MYH9: variants seen among roughly 807,000 people sequenced by gnomAD.
MYH9 encodes the protein myosin-9.
Under a neutral mutation model 241.9 loss-of-function variants are expected in MYH9, and 29 were observed. The observed-to-expected ratio is 0.12, with a 90% CI of 0.09 to 0.16. The LOEUF (loss-of-function observed/expected upper bound fraction) is 0.16. MYH9 is among the 10% of genes least tolerant of loss of function. The probability of loss-of-function intolerance (pLI) is 1.00; values close to 1 mark genes in which losing one functional copy is unlikely to be tolerated. For missense variants in MYH9, 1,803 were observed against 2,595.5 expected (o/e 0.69, Z 6.63); for synonymous variants, 1,047 against 1,062.6 (o/e 0.99, Z 0.29).
In MYH9 at chr22:36,305,224, C is replaced by T. The variant is rs1226910604; in HGVS notation, c.2160-122G>A. ...ACAGACACAGAATTCTTTACACAAA[C>T]TCTCCTAAGGAAAGAAGACACAGGC... is the stretch of plus-strand genomic sequence containing the variant. On this transcript the variant is annotated intron_variant, in intron 17 of 40. Transcript: ENST00000216181. This position sits in a 1 kb window ranked among gnomAD's most constrained non-coding sequence, Gnocchi z 4.7. 2 of 894,002 alleles carry T rather than the reference C, an allele frequency of 2.2e-6. No individual in the cohort carries two copies. Among genetic ancestry groups the T allele is most frequent in the East Asian group, 2.6e-5 (1 of 37,854 alleles). The allele number at this position is 894,002 out of a possible 1,614,324, so 55.4% of individuals were successfully genotyped here.
In MYH9 at chr22:36,303,779, C is replaced by T. The variant is rs568246601; in HGVS notation, c.2390+216G>A. 2.8e-3 allele frequency among the ~76,000 whole-genome samples: 378 copies of T among 136,452 alleles called. 3 individuals are homozygous for T. Among genetic ancestry groups the T allele is most frequent in the African/African-American group, 0.01 (366 of 36,214 alleles). The allele number at this position is 136,452 out of a possible 152,430, so 89.5% of individuals were successfully genotyped here. A position where few individuals can be genotyped will look rare whatever the true frequency, so the allele number is the denominator to read the frequency against. ...CAGCCTGGGCGACAGAGTGAGACTC[C>T]GTCTCAAAAAAAAAAAAAAAAAAAG... is the stretch of plus-strand genomic sequence containing the variant. On this transcript the variant is annotated intron_variant, in intron 19 of 40. Transcript: ENST00000216181.
intron 21 of MYH9, 57 bp from the exon 22 acceptor site, chr22:36,301,114 C>A: frequency 1.3e-6 from 2 of 1,542,248 alleles, no homozygotes; most frequent in Non-Finnish European, 1.8e-6. Context: ...GCCACTCCAT[C>A]CTCAAGGACG....
intron 12 of MYH9, among the ~76,000 whole-genome samples, chr22:36,316,010 C>T (rs2017144395): frequency 6.6e-6 from 1 of 150,962 alleles, no homozygotes; most frequent in Non-Finnish European, 1.5e-5. Flanking sequence ...TGTACTCCAG[C>T]CTGAGTGACA....
In MYH9 at chr22:36,289,189, G is replaced by C; in HGVS notation, c.4453C>G (p.Leu1485Val). 1 of 1,613,604 alleles carries C rather than the reference G, an allele frequency of 6.2e-7. No homozygotes were observed. ...GCCTTCTGCTCCATGGCTTCCTCCA[G>C]GGCCCGGGCCAGCGACAGAGCCTTG... ...ETKALSLARA[L>V]EEAMEQKAEL... Residue 1485 changes from leucine (L) to valine (V), a missense_variant, in exon 32 of 41, where the codon CTG (leucine) becomes GTG (valine). Coordinates refer to ENST00000216181, the MANE Select transcript of MYH9 (RefSeq NM_002473.6).
intron 38 of MYH9, among the ~76,000 whole-genome samples, 191 bp downstream of exon 38, chr22:36,284,930 C>A (rs2016554048): frequency 1.3e-5 from 2 of 152,180 alleles, no homozygotes; most frequent in African/African-American, 4.8e-5. Flanking sequence ...AACAGAGAAT[C>A]CTGTTCAAAC....
At chr22:36,290,284 G>C (rs915746816) in intron 31 of MYH9, among the ~76,000 whole-genome samples, 5 of 142,940 alleles carry the variant, frequency 3.5e-5, no homozygotes, top group Non-Finnish European at 7.5e-5. Context: ...AGGATCACTT[G>C]AGCTGTGGTT....
chr22:36,325,927 G>A (rs1377317571), intron 5 of MYH9, among the ~76,000 whole-genome samples: 1 of 152,230 alleles, frequency 6.6e-6, no homozygotes, highest in Admixed American at 6.5e-5. Flanking sequence ...CAAGTGTGGG[G>A]TGAAAAGCTG....
rs1299383537 is a variant in MYH9, at chr22:36,362,633, C to T, written c.-19-13378G>A. Among the ~76,000 whole-genome samples the T allele has an allele frequency of 3.3e-5, 5 of 152,156 alleles. No individual in the cohort carries two copies. The South Asian group carries it at 6.2e-4, about 19-fold the overall frequency. On this transcript the variant is annotated intron_variant, in intron 1 of 40. Transcript: ENST00000216181. The stretch of plus-strand genomic sequence containing the variant: ...CTGGGACTACAGGTGCATGCCAGCA[C>T]GCTCGGCTAATTTTTGTATTTTAGT...
intron 23 of MYH9, 138 bp downstream of exon 23, chr22:36,299,989 G>A: frequency 7.8e-7 from 1 of 1,276,680 alleles, no homozygotes; most frequent in Non-Finnish European, 1.1e-6. Flanking sequence ...AGCACTTGCA[G>A]TTAAGCAGAA....
At chr22:36,314,104 G>A in intron 13 of MYH9, 41 bp downstream of exon 13, 1 of 1,599,348 alleles carries the variant, frequency 6.3e-7, no homozygotes, top group Non-Finnish European at 8.6e-7. Flanking sequence ...GAAGGGAAAA[G>A]CCAGAGGCAG....
At chr22:36,307,587 G>A (rs1401263752) in intron 15 of MYH9, among the ~76,000 whole-genome samples, 1 of 152,204 alleles carries the variant, frequency 6.6e-6, no homozygotes, top group Admixed American at 6.5e-5. Flanking sequence ...CTACAAACCA[G>A]TCAATTAAAA....
rs2017234772 is a variant in MYH9, at chr22:36,320,606, C to A, written c.868+192G>T. On this transcript the variant is annotated intron_variant, in intron 8 of 40. Transcript: ENST00000216181. This position sits in a 1 kb window ranked among gnomAD's most constrained non-coding sequence, Gnocchi z 4.8. ...CAGCTACATGTGCAACCCACCCTAGCTTTTCTCTGGCATGGTCAGAAACAG... is the reference window on the plus strand; with the variant it reads ...CAGCTACATGTGCAACCCACCCTAGATTTTCTCTGGCATGGTCAGAAACAG... Among the ~76,000 whole-genome samples the A allele has an allele frequency of 6.6e-6, 1 of 152,228 alleles. No homozygotes were observed. Among genetic ancestry groups the A allele is most frequent in the African/African-American group, 2.4e-5 (1 of 41,470 alleles).
rs754771834 is a variant in MYH9 at position 36,284,505 on chromosome 22, G to A, written c.5490C>T (p.Arg1830=). ...EEQLDNETKE[R]QAACKQVRRT... is the part of the protein sequence containing the mutation. Reference sequence around the variant, plus strand: ...GACGCACCTGTTTGCAGGCTGCCTGGCGCTCCCTGCATGACAGACAAGGTG... The same window carrying A: ...GACGCACCTGTTTGCAGGCTGCCTGACGCTCCCTGCATGACAGACAAGGTG... The change falls in exon 39 of 41, where the codon CGC becomes CGT. Residue 1830 remains arginine (R), a synonymous_variant. Coordinates refer to ENST00000216181, the MANE Select transcript of MYH9 (RefSeq NM_002473.6). 1.4e-5 allele frequency: 23 copies of A among 1,612,294 alleles called. No individual in the cohort carries two copies. Among genetic ancestry groups the A allele is most frequent in the Non-Finnish European group, 1.8e-5 (21 of 1,180,010 alleles).
rs548731122 is a variant in MYH9 at position 36,329,567 on chromosome 22, G to A, written c.491-2079C>T. ...TACTAGCAGGCAAGAATGTACCTGCGAGTGCTGGCAAGTCGTGAGCAGCCA... is the reference window on the plus strand; with the variant it reads ...TACTAGCAGGCAAGAATGTACCTGCAAGTGCTGGCAAGTCGTGAGCAGCCA... On this transcript the variant is annotated intron_variant, in intron 3 of 40. Transcript: ENST00000216181. This position sits in a 1 kb window ranked among gnomAD's most constrained non-coding sequence, Gnocchi z 4.1. Among the ~76,000 whole-genome samples, 25 of 152,306 alleles carry A rather than the reference G, an allele frequency of 1.6e-4. No homozygotes were observed. The highest frequency in any genetic ancestry group is 2.8e-4 in the Non-Finnish European group (19 of 68,034).
At chr22:36,339,887 G>C (rs1391043794) in intron 3 of MYH9, among the ~76,000 whole-genome samples, 4 of 152,162 alleles carry the variant, frequency 2.6e-5, no homozygotes. Context: ...GAGAGAAAAA[G>C]AAACGTGTAA....
In MYH9 at chr22:36,348,844, C is replaced by T. The variant is rs60243741; in HGVS notation, c.333+60G>A. The T allele has an allele frequency of 5.0e-4, 535 of 1,080,186 alleles. 24 individuals carry two copies. Among genetic ancestry groups the T allele is most frequent in the Middle Eastern group, 1.7e-3 (8 of 4,662 alleles). 66.9% of individuals were successfully genotyped at this position (1,080,186 alleles called of 1,614,324 possible). Reference sequence around the variant, plus strand: ...CGTGAGGGTGATGGGAAGACCCGCCCCCCCCCCCCACCTCGGAGCCCTCAG... The same window carrying T: ...CGTGAGGGTGATGGGAAGACCCGCCTCCCCCCCCCACCTCGGAGCCCTCAG... On this transcript the variant is annotated intron_variant, in intron 2 of 40. Transcript: ENST00000216181.
At chr22:36,325,161 A>G (rs2017315390) in intron 5 of MYH9, 1 of 746,794 alleles carries the variant, frequency 1.3e-6, no homozygotes, top group Non-Finnish European at 2.5e-6. Context: ...GGAGGGAGAG[A>G]GGGATGGAGA....
chr22:36,366,457 T>C (rs1027497954), intron 1 of MYH9, among the ~76,000 whole-genome samples: 5 of 152,000 alleles, frequency 3.3e-5, no homozygotes, highest in African/African-American at 1.2e-4. Context: ...ACCTGACACA[T>C]TCATCTCGTG....
intron 3 of MYH9, among the ~76,000 whole-genome samples, chr22:36,340,131 G>A (rs2017561239): frequency 6.6e-6 from 1 of 151,880 alleles, no homozygotes; most frequent in African/African-American, 2.4e-5. Context: ...CAATTTTGAA[G>A]GGCACTGTAC....
Sources: allele counts gnomAD v4.1 joint callset (sites outside exome capture counted in the v4.1 genomes callset), GRCh38; gene constraint gnomAD v4.1.1; non-coding constraint Gnocchi (gnomAD v3.1); transcripts MANE v1.5; gene names NCBI Gene and HGNC (gene_info 2026-07-23, HGNC 2026-07-21).